Variants in CCDC18 observed in about 807,000 individuals in gnomAD.
The protein encoded by CCDC18 is coiled-coil domain containing 18.
CCDC18 carries 157 observed loss-of-function variants against 196.0 expected under a neutral mutation model. The ratio of observed to expected loss-of-function variants is 0.80; its 90% CI spans 0.70 to 0.91. The LOEUF is 0.91. Among genes scored for constraint, CCDC18 ranks in the 40% least tolerant of loss-of-function variants. The probability of loss-of-function intolerance (pLI) is 0.00; values close to 1 mark genes in which losing one functional copy is unlikely to be tolerated. For missense variants in CCDC18, 1,465 were observed against 1,611.6 expected (o/e 0.91, Z 1.56); for synonymous variants, 482 against 529.2 (o/e 0.91, Z 1.22).
intron 7 of CCDC18, 74 bp downstream of exon 7, chr1:93,202,062 A>C: frequency 1.3e-6 from 1 of 789,944 alleles, no homozygotes; most frequent in Middle Eastern, 2.9e-4. Context: ...GGAATAATTA[A>C]AATATGTTTA....
At chr1:93,238,746 G>T (rs1660381849) in intron 19 of CCDC18, among the ~76,000 whole-genome samples, 1 of 152,130 alleles carries the variant, frequency 6.6e-6, no homozygotes, top group South Asian at 2.1e-4. Context: ...TAGTAAACCT[G>T]GCCCTATCAC....
intron 25 of CCDC18, 65 bp downstream of exon 25, chr1:93,256,603 CTG>C: frequency 7.6e-7 from 1 of 1,309,630 alleles, no homozygotes; most frequent in Non-Finnish European, 1.1e-6. Flanking sequence ...TTTTTTTGAA[CTG>C]TAGAATATAG....
Position 93,214,833 on chromosome 1 carries a change from G to C in CCDC18, c.1586G>C (p.Arg529Pro), listed in dbSNP as rs765081765. The change falls in exon 12 of 29, where the codon CGT becomes CCT. Residue 529 changes from arginine (R) to proline (P), a missense_variant. Transcript: ENST00000690025. ...CTTGTTACTGGAATAGAAGAACTAC[G>C]TACTAAGCTGATACAAATAGAAGCT... ...QRLVTGIEEL[R>P]TKLIQIEAEN... 1 of 1,613,076 alleles carries C rather than the reference G, an allele frequency of 6.2e-7. No individual in the cohort carries two copies. Among genetic ancestry groups the C allele is most frequent in the Non-Finnish European group, 8.5e-7 (1 of 1,179,388 alleles).
In CCDC18 at chr1:93,246,097, A is replaced by C. The variant is rs771329729; in HGVS notation, c.2982-8A>C. 1.3e-6 allele frequency: 2 copies of C among 1,566,052 alleles called. No individual in the cohort carries two copies. Among genetic ancestry groups the C allele is most frequent in the Non-Finnish European group, 8.7e-7 (1 of 1,153,220 alleles). On this transcript the variant is annotated splice_region_variant and splice_polypyrimidine_tract_variant and intron_variant, in intron 21 of 28. Transcript: ENST00000690025. ...CTGCTTTGATCTTTTTCCTTTGATA[A>C]ATTGTAGAGAATGCAAGATGGAGAT...
chr1:93,223,210 C>G (rs916689780), intron 16 of CCDC18, among the ~76,000 whole-genome samples: 3 of 152,020 alleles, frequency 2.0e-5, no homozygotes, highest in African/African-American at 4.8e-5. Context: ...GAGGTATTTC[C>G]GTGTGTTAAT....
intron 21 of CCDC18, 57 bp downstream of exon 21, chr1:93,239,953 A>G: frequency 8.4e-7 from 1 of 1,196,816 alleles, no homozygotes. Context: ...TAATACAATA[A>G]AATATGTTGT....
chr1:93,180,402 G>A (rs1649319268), upstream of CCDC18: 86 of 1,228,748 alleles, frequency 7.0e-5, no homozygotes, highest in South Asian at 1.2e-3. Context: ...CGAAAGAGAA[G>A]CGCAGTTCTC....
In CCDC18 at chr1:93,258,859, T is replaced by A; in HGVS notation, c.3658T>A (p.Ser1220Thr). The A allele has an allele frequency of 1.2e-6, 2 of 1,600,744 alleles. No homozygotes were observed. The highest frequency in any genetic ancestry group is 1.7e-6 in the Non-Finnish European group (2 of 1,174,388). ...EIKKLSAEVE[S>T]LKEAYHMEMI... ...CAAGAAATTGTCAGCAGAAGTAGAATCTCTCAAAGAAGCTTATCATATGGA... is the reference window on the plus strand; with the variant it reads ...CAAGAAATTGTCAGCAGAAGTAGAAACTCTCAAAGAAGCTTATCATATGGA... Residue 1220 changes from serine (S) to threonine (T), a missense_variant, in exon 26 of 29, where the codon TCT becomes ACT. Transcript: ENST00000690025.
chr1:93,179,920 G>T, upstream of CCDC18: 1 of 963,986 alleles, frequency 1.0e-6, no homozygotes, highest in South Asian at 1.8e-5. Flanking sequence ...CCTGCGCGGA[G>T]CGGGCTGGCT....
chr1:93,207,642 G>A (rs1188670916), intron 9 of CCDC18, among the ~76,000 whole-genome samples: 2 of 151,946 alleles, frequency 1.3e-5, no homozygotes, highest in African/African-American at 4.8e-5. Context: ...CTTTGTTGAA[G>A]TATCATTTAT....
chr1:93,179,957 A>G (rs1649238463), upstream of CCDC18: 8 of 1,345,538 alleles, frequency 5.9e-6, no homozygotes, highest in Non-Finnish European at 7.1e-6. Flanking sequence ...CCTCTTCACC[A>G]CCAGGGCCGT....
chr1:93,252,578 C>A (rs1662407008), intron 23 of CCDC18, among the ~76,000 whole-genome samples: 1 of 152,144 alleles, frequency 6.6e-6, no homozygotes, highest in African/African-American at 2.4e-5. Context: ...ATTTTCAGTT[C>A]TTTGAGAGAT....
At position 93,236,413 on chromosome 1, in the gene CCDC18, T is replaced by A. The variant is rs764429005; in HGVS notation, c.2603+23T>A. 123 of 1,577,892 alleles carry A rather than the reference T, an allele frequency of 7.8e-5. No homozygotes were observed. In the East Asian group the frequency reaches 2.8e-3, roughly 36 times the overall value. The stretch of plus-strand genomic sequence containing the variant: ...CAGGTAAAATGTGAATATGTTTTAT[T>A]TACCTTCCCACTTCAATATCAGTGG... On this transcript the variant is annotated intron_variant, in intron 19 of 28. Coordinates refer to ENST00000690025, the MANE Select transcript of CCDC18 (RefSeq NM_001378204.1).
intron 12 of CCDC18, among the ~76,000 whole-genome samples, chr1:93,215,350 A>G (rs963221300): frequency 5.3e-5 from 8 of 152,130 alleles, no homozygotes; most frequent in African/African-American, 1.9e-4. Flanking sequence ...GCAAACCCCA[A>G]ACCACCTAGG....
intron 21 of CCDC18, among the ~76,000 whole-genome samples, chr1:93,242,061 A>G (rs1313656966): frequency 6.6e-6 from 1 of 152,224 alleles, no homozygotes; most frequent in Admixed American, 6.5e-5. Context: ...TTTGTACTCA[A>G]AAGGGTTGAA....
chr1:93,227,298 A>G lies in CCDC18; in HGVS notation c.2292+849A>G, dbSNP rs565288568. 3.4e-4 allele frequency among the ~76,000 whole-genome samples: 51 copies of G among 148,144 alleles called. No homozygotes were observed. The South Asian group carries it at 9.9e-3, about 29-fold the overall frequency. On this transcript the variant is annotated intron_variant, in intron 17 of 28. Coordinates refer to ENST00000690025, the MANE Select transcript of CCDC18 (RefSeq NM_001378204.1). ...CTCAGCCCCCTGAGTAGCTGGGACT[A>G]TAGGCGCATGCTGCCACGCCCGGCT...
At chr1:93,277,717 G>GT (rs1192586375) in intron 28 of CCDC18, among the ~76,000 whole-genome samples, 3 of 151,872 alleles carry the variant, frequency 2.0e-5, no homozygotes, top group Non-Finnish European at 4.4e-5. Flanking sequence ...CACAGACACA[G>GT]TAACAATCTG....
intron 27 of CCDC18, 68 bp from the exon 28 acceptor site, chr1:93,270,278 AT>A (rs1293930826): frequency 1.2e-6 from 1 of 846,238 alleles, no homozygotes; most frequent in African/African-American, 1.7e-5. Flanking sequence ...AAAGTCTATG[AT>A]TTTCTAAGGA....
intron 18 of CCDC18, among the ~76,000 whole-genome samples, chr1:93,233,530 T>A (rs1254761503): frequency 1.3e-5 from 2 of 152,180 alleles, no homozygotes; most frequent in Non-Finnish European, 2.9e-5. Context: ...TGTTCTGAAG[T>A]CCTCCTCAGC....
Sources: gnomAD v4.1 joint callset for allele counts (sites outside exome capture counted in the v4.1 genomes callset) on GRCh38, gnomAD v4.1.1 for gene constraint, MANE v1.5 for transcripts, NCBI Gene and HGNC (gene_info 2026-07-23, HGNC 2026-07-21) for gene names.